MAGI2: variants seen among roughly 807,000 people sequenced by gnomAD.
MAGI2 encodes the protein membrane-associated guanylate kinase, WW and PDZ domain-containing protein 2.
A neutral mutation model predicts 133.3 loss-of-function variants in MAGI2; 35 were observed. That is an observed-to-expected ratio of 0.26 (90% confidence interval 0.20 to 0.35). The LOEUF (loss-of-function observed/expected upper bound fraction) is 0.35. Ranked by LOEUF, MAGI2 falls within the 10% of genes least tolerant of loss-of-function variation. MAGI2 has a pLI of 1.00. For synonymous variants in MAGI2, 729 were observed against 710.6 expected, an observed-to-expected ratio of 1.03 and a Z score of -0.41; for missense variants, 1,636 against 1,863.4, an observed-to-expected ratio of 0.88 and a Z score of 2.25.
chr7:78,473,269 C>T (rs1317048193), intron 6 of MAGI2, among the ~76,000 whole-genome samples: 1 of 151,960 alleles, frequency 6.6e-6, no homozygotes, highest in Non-Finnish European at 1.5e-5. Context: ...TTGGCTGGGG[C>T]CCAGGACTAC....
At chr7:78,810,753 T>G (rs1788976556) in intron 2 of MAGI2, among the ~76,000 whole-genome samples, 1 of 152,112 alleles carries the variant, frequency 6.6e-6, no homozygotes, top group African/African-American at 2.4e-5. Flanking sequence ...CTTATTTCTC[T>G]ACCAAAATGT....
In MAGI2 at chr7:78,167,940, C is replaced by G. The variant is rs1258368348; in HGVS notation, c.2572G>C (p.Val858Leu). The G allele has an allele frequency of 2.5e-6, 4 of 1,614,132 alleles. No homozygotes were observed. Among genetic ancestry groups the G allele is most frequent in the Non-Finnish European group, 3.4e-6 (4 of 1,180,006 alleles). ...AARNGQVNLTVRRKVLCGGEP... is the reference protein window; with the variant it reads ...AARNGQVNLTLRRKVLCGGEP... ...CCTCCACATAGCACCTTTCTTCTCA[C>G]AGTGAGGTTGACCTGCCCATTGCGG... Residue 858 changes from valine (V) to leucine (L), a missense_variant, in exon 15 of 22, where the codon GTG (valine) becomes CTG (leucine). By Grantham distance (32) the Val-to-Leu change is conservative. Transcript: ENST00000354212.
At chr7:78,192,572 T>C (rs1828334834) in intron 12 of MAGI2, among the ~76,000 whole-genome samples, 1 of 148,952 alleles carries the variant, frequency 6.7e-6, no homozygotes, top group South Asian at 2.1e-4. Flanking sequence ...CAGAGCGAAC[T>C]GATCAGCTAT....
chr7:79,157,581 A>G (rs960983736), intron 1 of MAGI2, among the ~76,000 whole-genome samples: 7 of 151,966 alleles, frequency 4.6e-5, no homozygotes, highest in Admixed American at 1.3e-4. Context: ...AAAAGTAGGA[A>G]ACAAATAATC....
At chr7:78,232,394 TA>T (rs750883489) in intron 10 of MAGI2, among the ~76,000 whole-genome samples, 157 of 152,332 alleles carry the variant, frequency 1.0e-3, no homozygotes, top group Non-Finnish European at 1.4e-3. Context: ...AAAAACATAA[TA>T]CTAAATTTAT....
chr7:78,866,912 T>C lies in MAGI2; in HGVS notation c.418+140178A>G, dbSNP rs530659648. Reference sequence around the variant, plus strand: ...AACAGACACTTCTCAAAAGAAGACATTTATGCAGCCAAAAACACATGAAAA... The same window carrying C: ...AACAGACACTTCTCAAAAGAAGACACTTATGCAGCCAAAAACACATGAAAA... On this transcript the variant is annotated intron_variant, in intron 2 of 21. Coordinates refer to ENST00000354212, the MANE Select transcript of MAGI2 (RefSeq NM_012301.4). 1.6e-3 allele frequency among the ~76,000 whole-genome samples: 245 copies of C among 152,214 alleles called. 4 individuals carry two copies. Among genetic ancestry groups the C allele is most frequent in the Admixed American group, 0.016 (239 of 15,292 alleles).
At chr7:79,224,838 G>A (rs1585248480) in intron 1 of MAGI2, among the ~76,000 whole-genome samples, 1 of 152,130 alleles carries the variant, frequency 6.6e-6, no homozygotes, top group Non-Finnish European at 1.5e-5. Context: ...GACTACAAAC[G>A]GACATAAGGC....
At chr7:79,297,540 A>G (rs1478658177) in intron 1 of MAGI2, among the ~76,000 whole-genome samples, 2 of 152,198 alleles carry the variant, frequency 1.3e-5, no homozygotes, top group Non-Finnish European at 2.9e-5. Flanking sequence ...ATTAATATTT[A>G]TTAATAACCT....
intron 21 of MAGI2, among the ~76,000 whole-genome samples, chr7:78,046,469 T>C (rs562016178): frequency 6.3e-4 from 96 of 151,834 alleles, no homozygotes; most frequent in African/African-American, 2.2e-3. Context: ...TGGGTCATCA[T>C]CATAGGTGAG....
chr7:79,436,554 G>A (rs1488173320), intron 1 of MAGI2, among the ~76,000 whole-genome samples: 2 of 151,940 alleles, frequency 1.3e-5, no homozygotes, highest in Non-Finnish European at 2.9e-5. Flanking sequence ...ACATGAACAG[G>A]CACTTCTCAA....
chr7:78,588,853 T>C (rs1584755547), intron 3 of MAGI2, among the ~76,000 whole-genome samples: 1 of 152,188 alleles, frequency 6.6e-6, no homozygotes, highest in African/African-American at 2.4e-5. Flanking sequence ...AAAGATAGGA[T>C]TTTAGAGCTG....
At chr7:78,697,776 C>T (rs1443351269) in intron 2 of MAGI2, among the ~76,000 whole-genome samples, 3 of 151,980 alleles carry the variant, frequency 2.0e-5, no homozygotes, top group Non-Finnish European at 4.4e-5. Context: ...CTTTAAGATA[C>T]TATTTCTCTC....
chr7:79,332,692 G>C (rs1223691896), intron 1 of MAGI2, among the ~76,000 whole-genome samples: 1 of 152,158 alleles, frequency 6.6e-6, no homozygotes, highest in African/African-American at 2.4e-5. Context: ...AATTTGTACT[G>C]TGCTTGCAAT....
chr7:78,351,948 C>T (rs1455042218), intron 7 of MAGI2: 1 of 152,128 alleles, frequency 6.6e-6, no homozygotes, highest in Non-Finnish European at 1.5e-5. Context: ...CAAGCCCCTG[C>T]ACATCCTAGG....
chr7:78,566,564 A>G (rs1007972170), intron 3 of MAGI2, among the ~76,000 whole-genome samples: 1 of 151,568 alleles, frequency 6.6e-6, no homozygotes, highest in Non-Finnish European at 1.5e-5. Context: ...AGGAAAACCA[A>G]GGTTCAAATG....
At chr7:78,253,616 C>T (rs1487634742) in intron 10 of MAGI2, 1 of 152,124 alleles carries the variant, frequency 6.6e-6, no homozygotes, top group Admixed American at 6.6e-5. Flanking sequence ...TGCTAGTAGA[C>T]CATAAACTTT....
At position 78,521,475 on chromosome 7, in the gene MAGI2, C is replaced by A; in HGVS notation, c.709G>T (p.Glu237Ter). ...ASIEPPEEEE[E>*]ERPVVNGNGV... is the part of the protein sequence containing the mutation. Reference sequence around the variant, plus strand: ...TTTCCATTGACCACAGGCCTCTCTTCCTCTTCCTCCTCAGGAGGCTCTATA... The same window carrying A: ...TTTCCATTGACCACAGGCCTCTCTTACTCTTCCTCCTCAGGAGGCTCTATA... The change falls in exon 4 of 22, where the codon GAA becomes TAA. Residue 237 changes from glutamate to a stop codon, truncating the protein, a stop_gained. Coordinates refer to ENST00000354212, the MANE Select transcript of MAGI2 (RefSeq NM_012301.4). LOFTEE classifies it high-confidence loss of function. The A allele has an allele frequency of 6.2e-7, 1 of 1,614,134 alleles. No homozygotes were observed. The highest frequency in any genetic ancestry group is 8.5e-7 in the Non-Finnish European group (1 of 1,180,022).
chr7:78,479,333 T>C (rs1306595610), intron 6 of MAGI2, among the ~76,000 whole-genome samples: 1 of 151,906 alleles, frequency 6.6e-6, no homozygotes, highest in African/African-American at 2.4e-5. Flanking sequence ...GGTACCAAAA[T>C]CCCATATGGG....
intron 2 of MAGI2, among the ~76,000 whole-genome samples, chr7:78,788,194 C>A (rs1826987734): frequency 6.6e-6 from 1 of 152,154 alleles, no homozygotes; most frequent in African/African-American, 2.4e-5. Flanking sequence ...ATATTCCCTT[C>A]CCTTCTCCAA....
Sources: allele counts gnomAD v4.1 joint callset (sites outside exome capture counted in the v4.1 genomes callset), GRCh38; gene constraint gnomAD v4.1.1; transcripts MANE v1.5; gene names NCBI Gene and HGNC (gene_info 2026-07-23, HGNC 2026-07-21).